Variants in DLGAP3 observed in about 807,000 individuals in gnomAD.
DLGAP3 encodes disks large-associated protein 3.
DLGAP3 carries 17 observed loss-of-function variants against 81.2 expected under a neutral mutation model. The ratio of observed to expected loss-of-function variants is 0.21; its 90% CI spans 0.14 to 0.31. The LOEUF (loss-of-function observed/expected upper bound fraction) is 0.31, where lower values mean the gene tolerates loss of function less well. Ranked by LOEUF, DLGAP3 falls within the 10% of genes least tolerant of loss-of-function variation. DLGAP3 has a pLI of 1.00. For synonymous variants in DLGAP3, 577 were observed against 587.4 expected, an observed-to-expected ratio of 0.98 and a Z score of 0.26; for missense variants, 1,124 against 1,388.0, an observed-to-expected ratio of 0.81 and a Z score of 3.02.
intron 1 of DLGAP3, among the ~76,000 whole-genome samples, chr1:34,910,599 C>T (rs1639625676): frequency 6.6e-6 from 1 of 152,192 alleles, no homozygotes; most frequent in African/African-American, 2.4e-5. Context: ...TCCCTCACAT[C>T]ACGGGGCCTA....
At chr1:34,913,777 G>A (rs1249058730) in intron 1 of DLGAP3, among the ~76,000 whole-genome samples, 2 of 152,088 alleles carry the variant, frequency 1.3e-5, no homozygotes, top group Non-Finnish European at 2.9e-5. Context: ...ATGTACAACG[G>A]CCCACAGAAA....
intron 8 of DLGAP3, among the ~76,000 whole-genome samples, chr1:34,871,118 G>A (rs913979473): frequency 9.2e-5 from 14 of 152,082 alleles, no homozygotes; most frequent in Non-Finnish European, 1.9e-4. Context: ...TCCTAAAGCT[G>A]AGCTCTGCCA....
At chr1:34,911,209 C>A (rs182028957) in intron 1 of DLGAP3, among the ~76,000 whole-genome samples, 4 of 152,204 alleles carry the variant, frequency 2.6e-5, no homozygotes, top group African/African-American at 7.2e-5. Context: ...ACTTATTCAA[C>A]GCCATTCTGA....
At chr1:34,879,705 A>T (rs1639117843) in intron 8 of DLGAP3, among the ~76,000 whole-genome samples, 1 of 152,212 alleles carries the variant, frequency 6.6e-6, no homozygotes, top group Admixed American at 6.5e-5. Flanking sequence ...AATTATTCTA[A>T]AAATTCATAG....
At position 34,873,741 on chromosome 1, in the gene DLGAP3, C is replaced by T. The variant is rs997136931; in HGVS notation, c.2001-4652G>A. ...GCGCTTTGAACAAAACTCTTTTATACTCCATATCACATTGTATCATGGCTG... is the reference window on the plus strand; with the variant it reads ...GCGCTTTGAACAAAACTCTTTTATATTCCATATCACATTGTATCATGGCTG... On this transcript the variant is annotated intron_variant, in intron 8 of 11. Coordinates refer to ENST00000373347, the MANE Select transcript of DLGAP3 (RefSeq NM_001080418.3). The surrounding 1 kb of genome is among the most constrained non-coding windows in gnomAD (Gnocchi z 4.2). 4.6e-5 allele frequency among the ~76,000 whole-genome samples: 7 copies of T among 152,164 alleles called. No individual in the cohort carries two copies. Among genetic ancestry groups the T allele is most frequent in the African/African-American group, 1.7e-4 (7 of 41,414 alleles).
At chr1:34,874,022 G>A (rs1046118923) in intron 8 of DLGAP3, among the ~76,000 whole-genome samples, 3 of 152,210 alleles carry the variant, frequency 2.0e-5, no homozygotes, top group Non-Finnish European at 2.9e-5. Flanking sequence ...TCTAGCCCAT[G>A]AGATAAAAGT....
intron 5 of DLGAP3, among the ~76,000 whole-genome samples, chr1:34,894,741 G>A (rs1007312138): frequency 1.3e-5 from 2 of 152,114 alleles, no homozygotes; most frequent in Non-Finnish European, 2.9e-5. Context: ...TACTTTAGGA[G>A]GAAACAATGA....
At chr1:34,905,551 TCA>T in intron 2 of DLGAP3, 117 bp from the exon 3 acceptor site, 1 of 738,780 alleles carries the variant, frequency 1.4e-6, no homozygotes, top group Admixed American at 3.3e-5. Context: ...TTATGATTAA[TCA>T]CACTACCCTC....
intron 8 of DLGAP3, among the ~76,000 whole-genome samples, chr1:34,872,714 C>G (rs1638998596): frequency 6.6e-6 from 1 of 152,188 alleles, no homozygotes; most frequent in Non-Finnish European, 1.5e-5. Context: ...ATGACAGAAT[C>G]AAGGTTGGAA....
intron 1 of DLGAP3, among the ~76,000 whole-genome samples, chr1:34,916,977 C>T (rs182837073): frequency 3.9e-4 from 60 of 152,234 alleles, no homozygotes; most frequent in African/African-American, 1.3e-3. Flanking sequence ...GACTTACAGG[C>T]GTGAGCCACC....
At chr1:34,876,889 C>G (rs1639067216) in intron 8 of DLGAP3, among the ~76,000 whole-genome samples, 1 of 152,244 alleles carries the variant, frequency 6.6e-6, no homozygotes, top group Non-Finnish European at 1.5e-5. Flanking sequence ...GCCCACTTCT[C>G]TCTGTATCCA....
At chr1:34,901,807 A>G (rs976028843) in intron 3 of DLGAP3, among the ~76,000 whole-genome samples, 3 of 152,162 alleles carry the variant, frequency 2.0e-5, no homozygotes, top group African/African-American at 7.2e-5. Flanking sequence ...TGCTCTAAGA[A>G]CTCGATTATG....
intron 1 of DLGAP3, among the ~76,000 whole-genome samples, chr1:34,914,122 A>C (rs1028166209): frequency 2.6e-5 from 4 of 152,162 alleles, no homozygotes; most frequent in Non-Finnish European, 4.4e-5. Context: ...CTCTTCACTC[A>C]GACTTGCTGG....
At chr1:34,893,195 A>C (rs911072324) in intron 5 of DLGAP3, among the ~76,000 whole-genome samples, 2 of 152,028 alleles carry the variant, frequency 1.3e-5, no homozygotes, top group African/African-American at 4.8e-5. Context: ...AAAAAAAAAA[A>C]AAAACAATGA....
intron 3 of DLGAP3, among the ~76,000 whole-genome samples, chr1:34,903,293 A>G (rs571100415): frequency 6.6e-6 from 1 of 152,150 alleles, no homozygotes; most frequent in African/African-American, 2.4e-5. Context: ...GCCTCATCAC[A>G]CTGTATTCTA....
chr1:34,887,328 C>G (rs1055470614), intron 5 of DLGAP3, among the ~76,000 whole-genome samples: 13 of 151,984 alleles, frequency 8.6e-5, no homozygotes, highest in Admixed American at 6.6e-5. Flanking sequence ...TACCCTCCCC[C>G]ACTGAGGAAA....
chr1:34,909,433 C>A (rs1260023488), intron 1 of DLGAP3, among the ~76,000 whole-genome samples: 2 of 152,202 alleles, frequency 1.3e-5, no homozygotes, highest in Non-Finnish European at 2.9e-5. Context: ...GCGGCCTACC[C>A]TCTCTAAGCC....
rs1639476942 is a variant in DLGAP3 at position 34,902,531 on chromosome 1, C to T, written c.1107+1746G>A. Among the ~76,000 whole-genome samples the T allele has an allele frequency of 6.6e-6, 1 of 152,078 alleles. No individual in the cohort carries two copies. The highest frequency in any genetic ancestry group is 2.4e-5 in the African/African-American group (1 of 41,410). ...CACCTGGCCTCATGGGGCCAGCCTC[C>T]CCTGCTTTTGTACCAGGGGAGTGCG... On this transcript the variant is annotated intron_variant, in intron 3 of 11. Transcript: ENST00000373347. The surrounding 1 kb of genome is among the most constrained non-coding windows in gnomAD (Gnocchi z 4.4).
rs1027905795 is a variant in DLGAP3, at chr1:34,883,279, G to T, written c.2000+1699C>A. ...GGAGCTGTCATACAACACGTGCTTA[G>T]TAAGTATCTGATGAATGAATGAATC... On this transcript the variant is annotated intron_variant, in intron 8 of 11. Coordinates refer to ENST00000373347, the MANE Select transcript of DLGAP3 (RefSeq NM_001080418.3). 2.3e-4 allele frequency among the ~76,000 whole-genome samples: 35 copies of T among 152,344 alleles called. 1 individual carries two copies. Among genetic ancestry groups the T allele is most frequent in the Admixed American group, 2.3e-3 (35 of 15,302 alleles).
Sources: allele counts gnomAD v4.1 joint callset (sites outside exome capture counted in the v4.1 genomes callset), GRCh38; gene constraint gnomAD v4.1.1; non-coding constraint Gnocchi (gnomAD v3.1); transcripts MANE v1.5; gene names NCBI Gene and HGNC (gene_info 2026-07-23, HGNC 2026-07-21).